Variants in DNASE1 observed in about 807,000 individuals in gnomAD.
DNASE1 encodes deoxyribonuclease 1, also known as deoxyribonuclease-1.
In DNASE1, 40 loss-of-function variants were observed where a neutral mutation model predicts 33.9. The observed-to-expected ratio is 1.18, with a 90% CI of 0.92 to 1.54. The LOEUF (loss-of-function observed/expected upper bound fraction) is 1.54. Ranked by LOEUF, DNASE1 falls within the 40% of genes most tolerant of loss-of-function variation. The pLI, the probability that DNASE1 is intolerant of heterozygous loss-of-function variation, is 0.00. For missense variants in DNASE1, 518 were observed against 372.6 expected, an observed-to-expected ratio of 1.39 and a Z score of -3.21; for synonymous variants, 216 against 160.0, an observed-to-expected ratio of 1.35 and a Z score of -2.64.
chr16:3,651,281 G>A (rs1215163263), upstream of DNASE1: 1 of 152,206 alleles, frequency 6.6e-6, no homozygotes, highest in Non-Finnish European at 1.5e-5. Flanking sequence ...TATAATTGTT[G>A]TTATGTGCTC....
intron 7 of DNASE1, 103 bp from the exon 8 acceptor site, chr16:3,657,617 C>T (rs1315590469): frequency 1.9e-5 from 28 of 1,505,110 alleles, no homozygotes; most frequent in Non-Finnish European, 2.5e-5. Flanking sequence ...CACCCACAGA[C>T]CTGCACTGGC....
chr16:3,622,829 A>C (rs2041370437), intron 1 of DNASE1, among the ~76,000 whole-genome samples: 1 of 152,196 alleles, frequency 6.6e-6, no homozygotes, highest in African/African-American at 2.4e-5. Context: ...TCTTGTATGC[A>C]CATACCTTCT....
downstream of DNASE1, chr16:3,659,790 C>T (rs1045991227): frequency 6.6e-6 from 1 of 151,994 alleles, no homozygotes; most frequent in African/African-American, 2.4e-5. Context: ...GACTCTCACT[C>T]CTTCACCCAA....
At chr16:3,651,247 C>T (rs2042327855), upstream of DNASE1, 1 of 152,210 alleles carries the variant, frequency 6.6e-6, no homozygotes, top group Non-Finnish European at 1.5e-5. Context: ...CAAATCAGAG[C>T]ATGTGACCTG....
At chr16:3,621,640 T>C (rs944821971) in intron 1 of DNASE1, among the ~76,000 whole-genome samples, 6 of 152,224 alleles carry the variant, frequency 3.9e-5, no homozygotes, top group Non-Finnish European at 7.3e-5. Flanking sequence ...ATGAACTGTC[T>C]TGGAGATTTT....
rs1392997080 is a variant in DNASE1 at position 3,655,400 on chromosome 16, G to A, written c.27G>A (p.Ala9=). The A allele has an allele frequency of 7.4e-5, 120 of 1,613,998 alleles. 1 individual carries two copies. The highest frequency in any genetic ancestry group is 9.6e-5 in the Non-Finnish European group (113 of 1,180,022). Residue 9 remains alanine, a synonymous_variant, in exon 2 of 9, where the codon GCG becomes GCA. Coordinates refer to ENST00000246949, the MANE Select transcript of DNASE1 (RefSeq NM_005223.4). Reference sequence around the variant, plus strand: ...TGAGGGGCATGAAGCTGCTGGGGGCGCTGCTGGCACTGGCGGCCCTACTGC... The same window carrying A: ...TGAGGGGCATGAAGCTGCTGGGGGCACTGCTGGCACTGGCGGCCCTACTGC... The part of the protein sequence containing the change: MRGMKLLG[A]LLALAALLQG...
chr16:3,651,506 G>A (rs2042335478), upstream of DNASE1: 1 of 152,222 alleles, frequency 6.6e-6, no homozygotes. Flanking sequence ...TCCAGAGTGG[G>A]GCCCAGCATG....
downstream of DNASE1, chr16:3,662,868 C>T (rs556318671): frequency 2.4e-5 from 39 of 1,613,240 alleles, 1 homozygote; most frequent in African/African-American, 3.2e-4. Flanking sequence ...GGTCCATCCC[C>T]GGGAAAGCCT....
intron 1 of DNASE1, among the ~76,000 whole-genome samples, chr16:3,636,038 C>T (rs1347493112): frequency 2.0e-5 from 3 of 152,186 alleles, no homozygotes; most frequent in Non-Finnish European, 4.4e-5. Context: ...TCATTTCTGC[C>T]TGTCATCATC....
rs769597501 is a variant in DNASE1 at position 3,663,602 on chromosome 16, C to T, written c.*5649C>T. 9 of 1,610,050 alleles carry T rather than the reference C, an allele frequency of 5.6e-6. No homozygotes were observed. In the East Asian group the frequency reaches 2.0e-4, roughly 36 times the overall value. Reference sequence around the variant, plus strand: ...GAGCAGCTCCATCAGACCCCGGGGGCCTCCAGCCACCACAGAAGAAAGGAT... The same window carrying T: ...GAGCAGCTCCATCAGACCCCGGGGGTCTCCAGCCACCACAGAAGAAAGGAT... On this transcript the variant is annotated 3_prime_UTR_variant, in exon 10 of 10. Transcript: ENST00000407479.
chr16:3,656,022 C>G, intron 3 of DNASE1, 80 bp from the exon 4 acceptor site: 21 of 1,611,446 alleles, frequency 1.3e-5, no homozygotes, highest in Middle Eastern at 1.7e-4. Context: ...GGGTGGGGAC[C>G]TGGGCACAGC....
At chr16:3,652,263 GT>G (rs2042360777), upstream of DNASE1, 1 of 152,336 alleles carries the variant, frequency 6.6e-6, no homozygotes, top group Non-Finnish European at 1.5e-5. Flanking sequence ...CACGTAGGGG[GT>G]TGGGCACTTG....
At chr16:3,645,675 C>T (rs762082472) in intron 1 of DNASE1, among the ~76,000 whole-genome samples, 2 of 152,156 alleles carry the variant, frequency 1.3e-5, no homozygotes, top group African/African-American at 4.8e-5. Flanking sequence ...CATAGCAGGC[C>T]GGGTTGGGGA....
rs150984053 is a variant in DNASE1, at chr16:3,655,887, C to G, written c.186C>G (p.Val62=). 5.8e-5 allele frequency: 94 copies of G among 1,613,912 alleles called. No homozygotes were observed. The African/African-American group carries it at 1.1e-3, about 20-fold the overall frequency. ...ATGACATCGCCCTGGTCCAGGAGGT[C>G]AGAGACAGCCACCTGACTGCCGTGG... ...SRYDIALVQE[V]RDSHLTAVGK... is the part of the protein sequence containing the mutation. Residue 62 remains valine, a synonymous_variant, in exon 3 of 9, where the codon GTC becomes GTG. Coordinates refer to ENST00000246949, the MANE Select transcript of DNASE1 (RefSeq NM_005223.4).
At chr16:3,643,881 C>G (rs978341873) in intron 1 of DNASE1, among the ~76,000 whole-genome samples, 2 of 152,140 alleles carry the variant, frequency 1.3e-5, no homozygotes, top group Admixed American at 1.3e-4. Context: ...CCTGCCTCAG[C>G]CTCCCAGTAG....
At chr16:3,655,632 C>T in intron 2 of DNASE1, 112 bp downstream of exon 2, 1 of 1,527,582 alleles carries the variant, frequency 6.5e-7, no homozygotes, top group South Asian at 1.1e-5. Context: ...TACTGAGCAC[C>T]ACTGCTCCCA....
intron 1 of DNASE1, among the ~76,000 whole-genome samples, chr16:3,633,003 C>A (rs1307626466): frequency 6.6e-6 from 1 of 152,012 alleles, no homozygotes; most frequent in Non-Finnish European, 1.5e-5. Flanking sequence ...AATTTTTGTT[C>A]TTCTGAGAAA....
In DNASE1 at chr16:3,658,007, C is replaced by T. The variant is rs1036462846; in HGVS notation, c.*54C>T. On this transcript the variant is annotated 3_prime_UTR_variant, in exon 9 of 9. Coordinates refer to ENST00000246949, the MANE Select transcript of DNASE1 (RefSeq NM_005223.4). ...CAGGAAGAGAGGACCCATCCTGCCA[C>T]AGGACCCAGAAAAAAAGCCCAACAC... 1.2e-6 allele frequency: 2 copies of T among 1,611,806 alleles called. No homozygotes were observed. Among genetic ancestry groups the T allele is most frequent in the African/African-American group, 1.3e-5 (1 of 74,864 alleles).
chr16:3,612,594 G>A (rs952059086), intron 1 of DNASE1, among the ~76,000 whole-genome samples: 1 of 144,320 alleles, frequency 6.9e-6, no homozygotes, highest in South Asian at 2.3e-4. Context: ...GTGGGGGCGG[G>A]GGGGGGAGTC....
Sources: allele counts gnomAD v4.1 joint callset (sites outside exome capture counted in the v4.1 genomes callset), GRCh38; gene constraint gnomAD v4.1.1; transcripts MANE v1.5; gene names NCBI Gene and HGNC (gene_info 2026-07-23, HGNC 2026-07-21).